ANKRD18A: variants seen among roughly 807,000 people sequenced by gnomAD.
The protein encoded by ANKRD18A is ankyrin repeat domain-containing protein 18A.
Under a neutral mutation model 110.6 loss-of-function variants are expected in ANKRD18A, and 72 were observed. That is an observed-to-expected ratio of 0.65 (90% CI 0.54 to 0.79). The LOEUF is 0.79. ANKRD18A is among the 30% of genes least tolerant of loss of function. The probability of loss-of-function intolerance (pLI) is 0.00; values close to 1 mark genes in which losing one functional copy is unlikely to be tolerated. For missense variants in ANKRD18A, 934 were observed against 1,163.3 expected (o/e 0.80, Z 2.87); for synonymous variants, 305 against 410.3 (o/e 0.74, Z 3.10).
At chr9:38,595,275 C>T (rs138739332) in intron 9 of ANKRD18A, among the ~76,000 whole-genome samples, 21 of 152,036 alleles carry the variant, frequency 1.4e-4, no homozygotes, top group South Asian at 1.2e-3. Context: ...TTAGCAGTCA[C>T]GACCCGCTTC....
intron 12 of ANKRD18A, among the ~76,000 whole-genome samples, 161 bp downstream of exon 12, chr9:38,586,022 G>A (rs549048834): frequency 9.3e-4 from 142 of 152,272 alleles, no homozygotes; most frequent in Admixed American, 1.8e-3. Context: ...AGGAGGGAGA[G>A]CATCAAGATT....
At chr9:38,614,219 G>T (rs911661498) in intron 3 of ANKRD18A, among the ~76,000 whole-genome samples, 12 of 68,850 alleles carry the variant, frequency 1.7e-4, no homozygotes, top group African/African-American at 6.4e-4. Flanking sequence ...GAACACTGAG[G>T]TTTTTTTTTT....
intron 8 of ANKRD18A, among the ~76,000 whole-genome samples, chr9:38,598,289 TTCC>T (rs1317007434): frequency 6.6e-6 from 1 of 152,210 alleles, no homozygotes. Context: ...CCAAATAATT[TTCC>T]CAGCCCATAT....
intron 5 of ANKRD18A, among the ~76,000 whole-genome samples, chr9:38,609,676 CT>C (rs1275619878): frequency 6.6e-6 from 1 of 151,784 alleles, no homozygotes; most frequent in Non-Finnish European, 1.5e-5. Context: ...CTAGAATGGC[CT>C]TTTCCCCTCT....
In ANKRD18A at chr9:38,611,265, T is replaced by G. The variant is rs1825608566; in HGVS notation, c.552A>C (p.Glu184Asp). ...TATTTGCCTGGTTCTTCAATAAAAA[T>G]TCCACCATATGCTGTCTCCTGGAAT... ...AINSRRQHMV[E>D]FLLKNQANIH... is the part of the protein sequence containing the mutation. The change falls in exon 4 of 16, where the codon GAA becomes GAC. Residue 184 changes from glutamate (E) to aspartate (D), a missense_variant. Glu to Asp is a conservative substitution (Grantham distance 45). Transcript: ENST00000399703. 2 of 1,531,914 alleles carry G rather than the reference T, an allele frequency of 1.3e-6. No homozygotes were observed. Among genetic ancestry groups the G allele is most frequent in the Non-Finnish European group, 1.8e-6 (2 of 1,140,596 alleles). The allele number at this position is 1,531,914 out of a possible 1,614,324, so 94.9% of individuals were successfully genotyped here.
rs536328677 is a variant in ANKRD18A, at chr9:38,607,386, T to A, written c.808+40A>T. The A allele has an allele frequency of 5.7e-5, 82 of 1,433,642 alleles. No homozygotes were observed. In the African/African-American group the frequency reaches 9.1e-4, roughly 16 times the overall value. The allele number at this position is 1,433,642 out of a possible 1,614,324, so 88.8% of individuals were successfully genotyped here. ...ATTTTGCTTTTTAAAATCAGTAAGA[T>A]CACCAAGGGAAATGAGAAATTTACT... On this transcript the variant is annotated intron_variant, in intron 6 of 15. Transcript: ENST00000399703.
chr9:38,586,061 C>T (rs1371794644), intron 12 of ANKRD18A, 122 bp downstream of exon 12: 8 of 1,092,636 alleles, frequency 7.3e-6, no homozygotes, highest in South Asian at 1.7e-5. Context: ...GGCTTAATAC[C>T]TAGGTGATGC....
In ANKRD18A at chr9:38,577,861, A is replaced by G. The variant is rs762825018; in HGVS notation, c.2529+6T>C. On this transcript the variant is annotated splice_donor_region_variant and intron_variant, in intron 13 of 15. Transcript: ENST00000399703. The stretch of plus-strand genomic sequence containing the variant: ...CAGATAAACTTACCTGATTTTAAAA[A>G]CTAACCTGTAAATGGATTTCTTCTA... 4 of 1,579,594 alleles carry G rather than the reference A, an allele frequency of 2.5e-6. No homozygotes were observed. The East Asian group carries it at 9.1e-5, about 36-fold the overall frequency.
intron 6 of ANKRD18A, among the ~76,000 whole-genome samples, chr9:38,605,454 T>G (rs1193192705): frequency 6.6e-6 from 1 of 152,232 alleles, no homozygotes; most frequent in African/African-American, 2.4e-5. Flanking sequence ...TTGACAATTA[T>G]GTACTAAGTT....
chr9:38,586,344 A>G, intron 11 of ANKRD18A, 32 bp from the exon 12 acceptor site: 3 of 1,472,138 alleles, frequency 2.0e-6, no homozygotes, highest in Non-Finnish European at 2.8e-6. Context: ...TAAGTCAAGT[A>G]TTTTTAAGAG....
downstream of ANKRD18A, chr9:38,566,495 C>G (rs1333207126): frequency 6.6e-6 from 1 of 152,186 alleles, no homozygotes; most frequent in Non-Finnish European, 1.5e-5. Flanking sequence ...TAACCAGTCT[C>G]TAAGATGGTC....
chr9:38,610,907 A>G (rs2118870451), intron 4 of ANKRD18A, among the ~76,000 whole-genome samples: 1 of 149,114 alleles, frequency 6.7e-6, no homozygotes, highest in South Asian at 2.1e-4. Context: ...GTAAACTGAA[A>G]GTTAAAGTCT....
chr9:38,591,001 C>T, intron 10 of ANKRD18A, among the ~76,000 whole-genome samples: 1 of 152,004 alleles, frequency 6.6e-6, no homozygotes, highest in African/African-American at 2.4e-5. Context: ...TGCTCTGTTA[C>T]CCAGGCTGGA....
In ANKRD18A at chr9:38,580,856, G is replaced by A. The variant is rs547146969; in HGVS notation, c.2248-2708C>T. 8.7e-3 allele frequency among the ~76,000 whole-genome samples: 1,313 copies of A among 151,104 alleles called. 11 individuals carry two copies. The highest frequency in any genetic ancestry group is 0.03 in the African/African-American group (1,255 of 41,210). On this transcript the variant is annotated intron_variant, in intron 12 of 15. Coordinates refer to ENST00000399703, the MANE Select transcript of ANKRD18A (RefSeq NM_147195.4). ...CCATGTAGCTTCCCTATCTCAGACTGCTTTCCCTTCGAACTCAGCCCCCAG... is the reference window on the plus strand; with the variant it reads ...CCATGTAGCTTCCCTATCTCAGACTACTTTCCCTTCGAACTCAGCCCCCAG...
rs1055445995 is a variant in ANKRD18A, at chr9:38,595,667, C to T, written c.1673G>A (p.Arg558Gln). ...QQELENLLLE[R>Q]QLEDARKEGD... ...TTCCTTACGAGCATCCTCTAGTTGT[C>T]GTTCAAGCAAGAGATTTTCAAGTTC... Residue 558 changes from arginine to glutamine, a missense_variant, in exon 9 of 16, where the codon CGA (arginine) becomes CAA (glutamine). Physicochemically the swap from Arg to Gln is conservative, Grantham distance 43. Around this residue, in one of 4 missense-constraint regions of ANKRD18A, gnomAD observed 630 missense variants for 797.5 expected, o/e 0.79. Transcript: ENST00000399703. 2.4e-5 allele frequency: 37 copies of T among 1,551,044 alleles called. No individual in the cohort carries two copies. The highest frequency in any genetic ancestry group is 3.9e-5 in the Admixed American group (2 of 50,944).
intron 1 of ANKRD18A, 40 bp downstream of exon 1, chr9:38,620,040 C>T (rs989662751): frequency 8.3e-5 from 129 of 1,546,168 alleles, no homozygotes; most frequent in Admixed American, 2.8e-4. Flanking sequence ...GAAGCCGGGC[C>T]TGCGGCCCCC....
chr9:38,575,913 T>C (rs1182602792), intron 14 of ANKRD18A, among the ~76,000 whole-genome samples: 1 of 152,226 alleles, frequency 6.6e-6, no homozygotes, highest in Non-Finnish European at 1.5e-5. Context: ...TGATTTCTAC[T>C]GAACAAGCAG....
At chr9:38,608,694 T>C (rs1469458747) in intron 5 of ANKRD18A, among the ~76,000 whole-genome samples, 3 of 146,432 alleles carry the variant, frequency 2.0e-5, no homozygotes, top group Non-Finnish European at 4.5e-5. Context: ...AAAAATAATA[T>C]AATTATATAC....
intron 1 of ANKRD18A, among the ~76,000 whole-genome samples, chr9:38,616,730 A>G (rs1423141926): frequency 1.3e-5 from 2 of 152,208 alleles, no homozygotes; most frequent in Non-Finnish European, 2.9e-5. Flanking sequence ...TTCTGGAATG[A>G]CAGGTGTGAG....
Sources: allele counts gnomAD v4.1 joint callset (sites outside exome capture counted in the v4.1 genomes callset), GRCh38; gene constraint gnomAD v4.1.1; regional missense constraint gnomAD v4.1.1; transcripts MANE v1.5; gene names NCBI Gene and HGNC (gene_info 2026-07-23, HGNC 2026-07-21).